The following TMEM74 variants were observed in gnomAD, a reference collection of about 807,000 sequenced individuals.
TMEM74 encodes the protein transmembrane protein 74.
Under a neutral mutation model 18.1 loss-of-function variants are expected in TMEM74, and 13 were observed. The observed-to-expected ratio is 0.72, with a 90% confidence interval of 0.47 to 1.14. TMEM74 has a LOEUF of 1.14. TMEM74 is among the 50% of genes most tolerant of loss of function. The pLI, the probability that TMEM74 is intolerant of heterozygous loss-of-function variation, is 0.00. For missense variants in TMEM74, 372 were observed against 375.9 expected (o/e 0.99, Z 0.09); for synonymous variants, 159 against 146.6 (o/e 1.08, Z -0.61).
intron 1 of TMEM74, among the ~76,000 whole-genome samples, chr8:108,657,225 C>A (rs181108293): frequency 4.9e-4 from 75 of 152,044 alleles, no homozygotes; most frequent in Admixed American, 4.5e-3. Flanking sequence ...GGGGTCCAAC[C>A]AGCTTAATAT....
At chr8:108,607,015 C>A (rs543900515) in exon 4 of TMEM74, 3 of 152,382 alleles carry the variant, frequency 2.0e-5, no homozygotes, top group Admixed American at 2.0e-4. Context: ...CTATGGTTTT[C>A]CTTGGCCTGC....
intron 1 of TMEM74, among the ~76,000 whole-genome samples, chr8:108,703,702 A>C: frequency 6.6e-6 from 1 of 152,170 alleles, no homozygotes; most frequent in East Asian, 1.9e-4. Flanking sequence ...TTGAGCACCT[A>C]CTACATGCCA....
At chr8:108,628,707 C>T (rs2935774) in intron 2 of TMEM74, among the ~76,000 whole-genome samples, 33,146 of 151,986 alleles carry the variant, frequency 0.22, 3,643 homozygotes, top group East Asian at 0.27. Context: ...GAAATTGCCA[C>T]ACTGTCTGCC....
intron 1 of TMEM74, among the ~76,000 whole-genome samples, chr8:108,749,845 A>G (rs537196004): frequency 1.1e-3 from 163 of 152,224 alleles, no homozygotes; most frequent in Non-Finnish European, 1.9e-3. Context: ...TAGAAAAATG[A>G]TGTCAGATTA....
chr8:108,699,176 CCTTCCTT>C (rs1813311015), intron 1 of TMEM74, among the ~76,000 whole-genome samples: 2 of 92,952 alleles, frequency 2.2e-5, no homozygotes, highest in African/African-American at 9.8e-5. Flanking sequence ...TTCCTTCCTT[CCTTCCTT>C]CCTCCCTCCC....
Position 108,779,983 on chromosome 8 carries a change from C to A in TMEM74, c.*4198G>T, listed in dbSNP as rs1001248497. 1.3e-5 allele frequency among the ~76,000 whole-genome samples: 2 copies of A among 152,092 alleles called. No homozygotes were observed. Among genetic ancestry groups the A allele is most frequent in the Non-Finnish European group, 2.9e-5 (2 of 68,002 alleles). ...AAAACAGATATAGCTAAAAATCAGCCAAAAGGAAATGATATGTTAATTCTC... is the reference window on the plus strand; with the variant it reads ...AAAACAGATATAGCTAAAAATCAGCAAAAAGGAAATGATATGTTAATTCTC... On this transcript the variant is annotated 3_prime_UTR_variant, in exon 2 of 2. Transcript: ENST00000297459.
At chr8:108,613,630 C>T (rs780191083) in intron 2 of TMEM74, among the ~76,000 whole-genome samples, 1 of 152,204 alleles carries the variant, frequency 6.6e-6, no homozygotes, top group Non-Finnish European at 1.5e-5. Context: ...GCCATTTAGA[C>T]CACGTTGTTT....
intron 1 of TMEM74, among the ~76,000 whole-genome samples, chr8:108,682,558 C>T (rs12544784): frequency 0.44 from 67,151 of 151,722 alleles, 15,241 homozygotes; most frequent in East Asian, 0.7. Context: ...CAGCATATAG[C>T]ACAGCATGCA....
chr8:108,785,208 T>TG, intron 1 of TMEM74, 71 bp from the exon 2 acceptor site: 2 of 1,230,954 alleles, frequency 1.6e-6, no homozygotes, highest in East Asian at 5.0e-5. Context: ...GTGTTGCTCC[T>TG]GGGGTCCCCA....
chr8:108,751,799 C>T (rs897207521), intron 1 of TMEM74, among the ~76,000 whole-genome samples: 9 of 152,026 alleles, frequency 5.9e-5, no homozygotes, highest in Non-Finnish European at 1.3e-4. Context: ...TAAATTTCCC[C>T]TAAATTCATC....
rs1011797797 is a variant in TMEM74, at chr8:108,781,298, T to C, written c.*2883A>G. ...CATGAAGGATGCAAGACCAAAACTA[T>C]AGGTATTGTATGCCCAATGTCTATA... On this transcript the variant is annotated 3_prime_UTR_variant, in exon 2 of 2. Transcript: ENST00000297459. 2.0e-5 allele frequency among the ~76,000 whole-genome samples: 3 copies of C among 152,186 alleles called. No homozygotes were observed. Among genetic ancestry groups the C allele is most frequent in the Admixed American group, 1.3e-4 (2 of 15,284 alleles).
At chr8:108,745,851 T>C (rs183396517) in intron 1 of TMEM74, among the ~76,000 whole-genome samples, 65 of 152,292 alleles carry the variant, frequency 4.3e-4, no homozygotes, top group African/African-American at 1.5e-3. Context: ...ATCTATAGAT[T>C]ACAGACATTG....
In TMEM74 at chr8:108,780,954, G is replaced by A. The variant is rs771504980; in HGVS notation, c.*3227C>T. On this transcript the variant is annotated 3_prime_UTR_variant, in exon 2 of 2. Transcript: ENST00000297459. ...CAAACTCTACCACTAACAGTTTAAG[G>A]TGCCCTAAAAAGAACTGGCTTATAA... Among the ~76,000 whole-genome samples the A allele has an allele frequency of 6.6e-6, 1 of 152,122 alleles. No individual in the cohort carries two copies. Among genetic ancestry groups the A allele is most frequent in the Non-Finnish European group, 1.5e-5 (1 of 68,016 alleles).
intron 2 of TMEM74, among the ~76,000 whole-genome samples, chr8:108,649,284 G>C (rs1163174705): frequency 6.6e-6 from 1 of 152,106 alleles, no homozygotes; most frequent in Non-Finnish European, 1.5e-5. Context: ...TTGAGACTCA[G>C]ATGCAAAAAT....
intron 1 of TMEM74, among the ~76,000 whole-genome samples, chr8:108,669,754 G>A (rs777426944): frequency 3.3e-5 from 5 of 152,082 alleles, no homozygotes; most frequent in Non-Finnish European, 5.9e-5. Flanking sequence ...AGTAGTGCAT[G>A]GGGCCAGGCA....
chr8:108,637,462 G>A lies in TMEM74; in HGVS notation n.264+17831C>T, dbSNP rs189223191. Among the ~76,000 whole-genome samples the A allele has an allele frequency of 3.7e-4, 56 of 152,132 alleles. 1 individual carries two copies. The highest frequency in any genetic ancestry group is 4.7e-4 in the Non-Finnish European group (32 of 68,000). ...TATCTTGAGATGGGGAGATTATCCC[G>A]GATTATCTGAGTGGGCCCAGTATAA... On this transcript the variant is annotated intron_variant and non_coding_transcript_variant, in intron 2 of 3. Transcript: ENST00000518838.
At chr8:108,643,159 C>G (rs1302533983) in intron 2 of TMEM74, among the ~76,000 whole-genome samples, 1 of 152,148 alleles carries the variant, frequency 6.6e-6, no homozygotes, top group East Asian at 1.9e-4. Context: ...CATAGCCTAA[C>G]CCAGTGGTCT....
At chr8:108,658,701 C>G (rs1427759312) in intron 1 of TMEM74, among the ~76,000 whole-genome samples, 1 of 152,178 alleles carries the variant, frequency 6.6e-6, no homozygotes, top group African/African-American at 2.4e-5. Context: ...CCTGGTTGAG[C>G]CTCTTCGTAA....
intron 1 of TMEM74, among the ~76,000 whole-genome samples, chr8:108,676,075 A>G (rs893962202): frequency 2.0e-5 from 3 of 152,224 alleles, no homozygotes; most frequent in African/African-American, 4.8e-5. Context: ...TAGACTTGAA[A>G]TAATGAAAGA....
Sources: allele counts gnomAD v4.1 joint callset (sites outside exome capture counted in the v4.1 genomes callset), GRCh38; gene constraint gnomAD v4.1.1; transcripts MANE v1.5; gene names NCBI Gene and HGNC (gene_info 2026-07-23, HGNC 2026-07-21).